Variants in CNTN6 observed in about 807,000 individuals in gnomAD.
The protein encoded by CNTN6 is contactin-6.
Under a neutral mutation model 122.8 loss-of-function variants are expected in CNTN6, and 137 were observed. The observed-to-expected ratio is 1.12, with a 90% CI of 0.97 to 1.29. CNTN6 has a LOEUF of 1.29. Among genes scored for constraint, CNTN6 ranks in the 50% most tolerant of loss-of-function variants. CNTN6 has a pLI of 0.00. For synonymous variants in CNTN6, 570 were observed against 426.0 expected (o/e 1.34, Z -4.16); for missense variants, 1,634 against 1,223.4 (o/e 1.34, Z -5.01).
chr3:1,307,678 C>G (rs1396405274), intron 7 of CNTN6, among the ~76,000 whole-genome samples: 2 of 152,124 alleles, frequency 1.3e-5, no homozygotes, highest in Non-Finnish European at 2.9e-5. Flanking sequence ...CTTCTCTTGT[C>G]TGTAGCAGAA....
At chr3:1,133,251 C>G (rs1467405230) in intron 1 of CNTN6, among the ~76,000 whole-genome samples, 1 of 151,908 alleles carries the variant, frequency 6.6e-6, no homozygotes, top group African/African-American at 2.4e-5. Context: ...TAGAGAATTC[C>G]AAGGAGATGG....
intron 20 of CNTN6, among the ~76,000 whole-genome samples, chr3:1,399,420 G>A (rs1314475307): frequency 1.3e-5 from 2 of 152,066 alleles, no homozygotes; most frequent in Admixed American, 6.6e-5. Context: ...CAAGTACGTT[G>A]TACATTGACA....
chr3:1,251,355 C>T (rs989880332), intron 4 of CNTN6, among the ~76,000 whole-genome samples: 1 of 152,206 alleles, frequency 6.6e-6, no homozygotes, highest in Admixed American at 6.5e-5. Context: ...TACTTTGACT[C>T]TGCTAGATCC....
chr3:1,300,480 GAA>G (rs1491049742), intron 7 of CNTN6, among the ~76,000 whole-genome samples: 21 of 98,058 alleles, frequency 2.1e-4, no homozygotes, highest in African/African-American at 1.1e-3. Flanking sequence ...AGGAAGGAAG[GAA>G]GGAAGGAAGG....
intron 11 of CNTN6, among the ~76,000 whole-genome samples, chr3:1,334,264 A>C (rs1702730752): frequency 6.6e-6 from 1 of 152,148 alleles, no homozygotes; most frequent in Admixed American, 6.6e-5. Flanking sequence ...CAAAAGGCAT[A>C]TTCCTGCAGG....
chr3:1,284,462 C>T (rs1435402036), intron 5 of CNTN6, among the ~76,000 whole-genome samples: 2 of 152,128 alleles, frequency 1.3e-5, no homozygotes, highest in East Asian at 3.9e-4. Flanking sequence ...CAGACAGGCC[C>T]AATAGTTGCC....
Position 1,220,704 on chromosome 3 carries a change from C to T in CNTN6, c.73C>T (p.Arg25Cys), listed in dbSNP as rs770215724. 3.4e-5 allele frequency: 55 copies of T among 1,607,504 alleles called. No homozygotes were observed. The highest frequency in any genetic ancestry group is 5.6e-5 in the South Asian group (5 of 89,738). ...TTTCCCAGGTGATGGTCTTTTAAGCCGTCCTATTTTTACTCAGGAGCCACA... is the reference window on the plus strand; with the variant it reads ...TTTCCCAGGTGATGGTCTTTTAAGCTGTCCTATTTTTACTCAGGAGCCACA... Reference protein sequence around the residue: ...NSSAGDGLLSRPIFTQEPHDV... With the variant: ...NSSAGDGLLSCPIFTQEPHDV... Residue 25 changes from arginine to cysteine, a missense_variant, in exon 3 of 23, where the codon CGT becomes TGT. Physicochemically the swap from Arg to Cys is radical, Grantham distance 180. Transcript: ENST00000446702.
intron 16 of CNTN6, 30 bp from the exon 17 acceptor site, chr3:1,376,975 C>A: frequency 6.9e-7 from 1 of 1,452,826 alleles, no homozygotes; most frequent in Non-Finnish European, 9.5e-7. Context: ...TTAATAATTG[C>A]CATCCCACAT....
chr3:1,403,577 A>G lies in CNTN6; in HGVS notation c.*159A>G, dbSNP rs1233597779. ...TCCTGTAAATATCTATGGTATATTA[A>G]TAAAACAATTTTAAACACTTTTGAA... On this transcript the variant is annotated 3_prime_UTR_variant, in exon 23 of 23. Transcript: ENST00000446702. 4.6e-6 allele frequency: 2 copies of G among 438,406 alleles called. No individual in the cohort carries two copies. The highest frequency in any genetic ancestry group is 8.1e-5 in the Admixed American group (2 of 24,666). The allele number at this position is 438,406 out of a possible 1,614,324, so 27.2% of individuals were successfully genotyped here.
chr3:1,278,114 T>A (rs1233637085), intron 4 of CNTN6, among the ~76,000 whole-genome samples: 1 of 152,212 alleles, frequency 6.6e-6, no homozygotes, highest in African/African-American at 2.4e-5. Context: ...ACAGACAAAG[T>A]AAATATGTGT....
intron 12 of CNTN6, among the ~76,000 whole-genome samples, chr3:1,369,068 C>A (rs755550016): frequency 6.6e-6 from 1 of 152,108 alleles, no homozygotes; most frequent in Non-Finnish European, 1.5e-5. Context: ...CGGAGTCTGC[C>A]GATCACAGTT....
intron 1 of CNTN6, among the ~76,000 whole-genome samples, chr3:1,145,013 G>C (rs1288453811): frequency 4.6e-5 from 7 of 152,136 alleles, no homozygotes; most frequent in African/African-American, 1.7e-4. Flanking sequence ...TTGGGTGTTA[G>C]AGATTTGGAG....
chr3:1,258,250 C>G (rs1486224073), intron 4 of CNTN6, among the ~76,000 whole-genome samples: 1 of 152,078 alleles, frequency 6.6e-6, no homozygotes, highest in Non-Finnish European at 1.5e-5. Context: ...CTTTTATCTC[C>G]TCTACTTTCA....
chr3:1,394,756 T>C (rs1048915459), intron 20 of CNTN6, among the ~76,000 whole-genome samples: 3 of 152,228 alleles, frequency 2.0e-5, no homozygotes, highest in South Asian at 2.1e-4. Flanking sequence ...GTTGACCCAA[T>C]TGATCCTACA....
intron 20 of CNTN6, among the ~76,000 whole-genome samples, chr3:1,394,852 G>T (rs1315760962): frequency 6.6e-6 from 1 of 152,108 alleles, no homozygotes; most frequent in Non-Finnish European, 1.5e-5. Context: ...TCAAAGAGTA[G>T]GAGATAAAAA....
chr3:1,201,182 A>G (rs2093865663), intron 2 of CNTN6, among the ~76,000 whole-genome samples: 2 of 150,834 alleles, frequency 1.3e-5, no homozygotes, highest in Admixed American at 1.3e-4. Context: ...TATGCTGCCC[A>G]GGCTGGTCTC....
chr3:1,319,261 G>C (rs1442954357), intron 7 of CNTN6, among the ~76,000 whole-genome samples: 2 of 151,612 alleles, frequency 1.3e-5, no homozygotes, highest in Non-Finnish European at 3.0e-5. Flanking sequence ...TAACACAACA[G>C]CTGTGAAGTC....
At chr3:1,188,335 A>G (rs1413998574) in intron 2 of CNTN6, among the ~76,000 whole-genome samples, 1 of 152,196 alleles carries the variant, frequency 6.6e-6, no homozygotes, top group East Asian at 1.9e-4. Context: ...CCTGTCCCCC[A>G]AAAGGAGATT....
intron 7 of CNTN6, among the ~76,000 whole-genome samples, chr3:1,304,835 A>G (rs1019100853): frequency 2.0e-5 from 3 of 151,950 alleles, no homozygotes; most frequent in African/African-American, 7.3e-5. Flanking sequence ...TCTACAAAAA[A>G]TACAAAAAAT....
Sources: gnomAD v4.1 joint callset for allele counts (sites outside exome capture counted in the v4.1 genomes callset) on GRCh38, gnomAD v4.1.1 for gene constraint, MANE v1.5 for transcripts, NCBI Gene and HGNC (gene_info 2026-07-23, HGNC 2026-07-21) for gene names.